Variants in WASF2 observed in about 807,000 individuals in gnomAD.
The protein encoded by WASF2 is WASP family member 2.
A neutral mutation model predicts 45.0 loss-of-function variants in WASF2; 14 were observed. That is an observed-to-expected ratio of 0.31 (90% CI 0.21 to 0.49). The LOEUF (loss-of-function observed/expected upper bound fraction) is 0.49. Among genes scored for constraint, WASF2 ranks in the 20% least tolerant of loss-of-function variants. The pLI is 0.99. For missense variants in WASF2, 439 were observed against 636.1 expected (o/e 0.69, Z 3.33); for synonymous variants, 200 against 236.3 (o/e 0.85, Z 1.41).
chr1:27,409,859 G>C lies in WASF2; in HGVS notation c.1172C>G (p.Pro391Arg). The change falls in exon 8 of 9, where the codon CCT becomes CGT. Residue 391 changes from proline to arginine, a missense_variant. Pro to Arg is a moderately radical substitution (Grantham distance 103, BLOSUM62 -2). This residue lies in a region of WASF2 where 286 missense variants were observed against 373.5 expected (regional missense o/e 0.77). Coordinates refer to ENST00000618852, the MANE Select transcript of WASF2 (RefSeq NM_006990.5). ...AGGAGGAGGAGGAGGGGGAGGAGGAGGTGCTCCTCCTGTTGGCTGGGACAA... is the reference window on the plus strand; with the variant it reads ...AGGAGGAGGAGGAGGGGGAGGAGGACGTGCTCCTCCTGTTGGCTGGGACAA... ...PPLSQPTGGA[P>R]PPPPPPPPPG... The C allele has an allele frequency of 6.4e-7, 1 of 1,551,174 alleles. No individual in the cohort carries two copies. The highest frequency in any genetic ancestry group is 1.2e-5 in the South Asian group (1 of 80,576).
intron 1 of WASF2, among the ~76,000 whole-genome samples, chr1:27,438,059 G>A (rs997932075): frequency 6.6e-6 from 1 of 152,118 alleles, no homozygotes; most frequent in African/African-American, 2.4e-5. Flanking sequence ...CCAGTTGATG[G>A]TACCCAGAAA....
chr1:27,410,157 A>C lies in WASF2; in HGVS notation c.874T>G (p.Ser292Ala), dbSNP rs746852578. 1 of 1,613,952 alleles carries C rather than the reference A, an allele frequency of 6.2e-7. No individual in the cohort carries two copies. The highest frequency in any genetic ancestry group is 1.1e-5 in the South Asian group (1 of 91,070). ...RGSGLAGPKR[S>A]SVVSPSHPPP... is the part of the protein sequence containing the mutation. ...GGATGGCTTGGGCTGACCACACTGGATCTTTTGGGTCCAGCCAAACCAGAT... is the reference window on the plus strand; with the variant it reads ...GGATGGCTTGGGCTGACCACACTGGCTCTTTTGGGTCCAGCCAAACCAGAT... Residue 292 changes from serine to alanine, a missense_variant, in exon 8 of 9, where the codon TCC (serine) becomes GCC (alanine). Coordinates refer to ENST00000618852, the MANE Select transcript of WASF2 (RefSeq NM_006990.5). This position sits in a 1 kb window ranked among gnomAD's most constrained non-coding sequence, Gnocchi z 4.2.
At chr1:27,481,811 A>G (rs1358353915) in intron 1 of WASF2, among the ~76,000 whole-genome samples, 1 of 152,224 alleles carries the variant, frequency 6.6e-6, no homozygotes, top group African/African-American at 2.4e-5. Context: ...ACTTCTCTGT[A>G]TTTTACCAGA....
chr1:27,486,438 A>G (rs998440015), intron 1 of WASF2, among the ~76,000 whole-genome samples: 1 of 152,234 alleles, frequency 6.6e-6, no homozygotes, highest in African/African-American at 2.4e-5. Flanking sequence ...TGAATGTATT[A>G]ATAGAGCTTC....
Position 27,488,908 on chromosome 1 carries a change from T to C in WASF2, c.-44+1078A>G, listed in dbSNP as rs1013256135. Among the ~76,000 whole-genome samples the C allele has an allele frequency of 1.2e-4, 18 of 152,192 alleles. 1 individual carries two copies. Among genetic ancestry groups the C allele is most frequent in the African/African-American group, 4.3e-4 (18 of 41,446 alleles). On this transcript the variant is annotated intron_variant, in intron 1 of 8. Transcript: ENST00000618852. ...ACTCCTCTGAAACTCAGTTTCCTTATGTGTAAATTCTCAAGAGTCACTGTA... is the reference window on the plus strand; with the variant it reads ...ACTCCTCTGAAACTCAGTTTCCTTACGTGTAAATTCTCAAGAGTCACTGTA...
At chr1:27,465,069 A>G (rs2017596573) in intron 1 of WASF2, among the ~76,000 whole-genome samples, 1 of 152,178 alleles carries the variant, frequency 6.6e-6, no homozygotes, top group South Asian at 2.1e-4. Context: ...TAAAGACGCA[A>G]GGAAACACAT....
At position 27,418,324 on chromosome 1, in the gene WASF2, C is replaced by A. The variant is rs150650907; in HGVS notation, c.364G>T (p.Glu122Ter). ...DRNSLPVPVLETYNTCDTPPP... is the reference protein window; with the variant it reads ...DRNSLPVPVL ...GGAGTATCACAGGTATTGTATGTTT[C>A]TAAGACAGGCACTGGGAGAGAGTTT... Residue 122 changes from glutamate (E) to a stop codon, truncating the protein, a stop_gained, in exon 4 of 9, where the codon GAA becomes TAA. Transcript: ENST00000618852. LOFTEE classifies it high-confidence loss of function. 6.2e-7 allele frequency: 1 copy of A among 1,614,200 alleles called. No homozygotes were observed.
chr1:27,446,781 CAAAAA>C (rs397938564), intron 1 of WASF2, among the ~76,000 whole-genome samples: 2 of 121,490 alleles, frequency 1.6e-5, no homozygotes. Context: ...AGCCTGTCTC[CAAAAA>C]AAAAAAAAAA....
intron 1 of WASF2, among the ~76,000 whole-genome samples, chr1:27,468,110 T>G (rs1177626982): frequency 2.0e-5 from 3 of 152,012 alleles, no homozygotes; most frequent in Non-Finnish European, 4.4e-5. Flanking sequence ...ATTTTTCTGT[T>G]TTAGTATAGA....
intron 2 of WASF2, among the ~76,000 whole-genome samples, chr1:27,419,591 G>T (rs914834676): frequency 2.0e-5 from 3 of 152,142 alleles, no homozygotes; most frequent in African/African-American, 7.2e-5. Context: ...CCCCATCCTG[G>T]GTGACGGAGC....
intron 1 of WASF2, among the ~76,000 whole-genome samples, chr1:27,486,614 A>G (rs1187105310): frequency 6.6e-6 from 1 of 152,148 alleles, no homozygotes; most frequent in African/African-American, 2.4e-5. Flanking sequence ...TTAGGTTGAA[A>G]TCACAGTTAA....
chr1:27,487,477 TATAA>T (rs1290141338), intron 1 of WASF2, among the ~76,000 whole-genome samples: 1 of 117,150 alleles, frequency 8.5e-6, no homozygotes, highest in East Asian at 2.1e-4. Context: ...ATATATTTTA[TATAA>T]ATATATATTA....
At chr1:27,446,920 C>T (rs1297193786) in intron 1 of WASF2, among the ~76,000 whole-genome samples, 1 of 152,120 alleles carries the variant, frequency 6.6e-6, no homozygotes, top group East Asian at 1.9e-4. Context: ...TGGTCTCTAG[C>T]CCCTGGAGTA....
chr1:27,473,455 C>CAA (rs752426888), intron 1 of WASF2, among the ~76,000 whole-genome samples: 14 of 49,680 alleles, frequency 2.8e-4, no homozygotes, highest in East Asian at 1.1e-3. Flanking sequence ...ACTCCATGGC[C>CAA]AAAAAAAAAA....
At chr1:27,409,349 C>T (rs1571116630) in intron 8 of WASF2, among the ~76,000 whole-genome samples, 1 of 138,384 alleles carries the variant, frequency 7.2e-6, no homozygotes, top group South Asian at 2.3e-4. Flanking sequence ...GGCGTGAACC[C>T]GGGAGGCAGA....
intron 1 of WASF2, among the ~76,000 whole-genome samples, chr1:27,486,585 T>C (rs2017927079): frequency 6.6e-6 from 1 of 152,164 alleles, no homozygotes. Context: ...TTGCATCCTC[T>C]AATATCTAGA....
chr1:27,419,476 G>A (rs372737031), intron 2 of WASF2, among the ~76,000 whole-genome samples: 81 of 152,172 alleles, frequency 5.3e-4, no homozygotes, highest in Non-Finnish European at 8.5e-4. Flanking sequence ...TTAGACAGGC[G>A]TGCTGGCAGG....
chr1:27,460,998 T>C (rs2017536532), intron 1 of WASF2, among the ~76,000 whole-genome samples: 2 of 151,528 alleles, frequency 1.3e-5, no homozygotes, highest in Non-Finnish European at 1.5e-5. Flanking sequence ...TACAAAAAAT[T>C]ATCTGGGGGT....
intron 2 of WASF2, among the ~76,000 whole-genome samples, chr1:27,423,792 G>C (rs1012459262): frequency 6.6e-6 from 1 of 152,204 alleles, no homozygotes; most frequent in South Asian, 2.1e-4. Context: ...TTACGTGGAA[G>C]TAGAACAGGT....
Sources: gnomAD v4.1 joint callset for allele counts (sites outside exome capture counted in the v4.1 genomes callset) on GRCh38, gnomAD v4.1.1 for gene constraint, gnomAD v4.1.1 regional missense constraint, Gnocchi (gnomAD v3.1) non-coding constraint, MANE v1.5 for transcripts, NCBI Gene and HGNC (gene_info 2026-07-23, HGNC 2026-07-21) for gene names.